Variants in ZC3HAV1 observed in about 807,000 individuals in gnomAD.
ZC3HAV1 encodes the protein zinc finger CCCH-type containing, antiviral 1.
A neutral mutation model predicts 86.6 loss-of-function variants in ZC3HAV1; 41 were observed. The ratio of observed to expected loss-of-function variants is 0.47; its 90% CI spans 0.37 to 0.61. ZC3HAV1 has a LOEUF of 0.61. Ranked by LOEUF, ZC3HAV1 falls within the 20% of genes least tolerant of loss-of-function variation. The probability of loss-of-function intolerance (pLI) is 0.00; values close to 1 mark genes in which losing one functional copy is unlikely to be tolerated. For missense variants in ZC3HAV1, 964 were observed against 1,141.1 expected (o/e 0.84, Z 2.24); for synonymous variants, 421 against 432.1 (o/e 0.97, Z 0.32).
Position 139,084,237 on chromosome 7 carries a change from C to T in ZC3HAV1, c.445-205G>A, listed in dbSNP as rs881669. 0.062 allele frequency among the ~76,000 whole-genome samples: 9,388 copies of T among 152,188 alleles called. 320 individuals are homozygous for T. The highest frequency in any genetic ancestry group is 0.079 in the African/African-American group (3,275 of 41,516). On this transcript the variant is annotated intron_variant, in intron 2 of 12. Transcript: ENST00000242351. ...GGGCAGAAGAGGTCCACAGACTAAC[C>T]AAAAGATACTGATCAATTTGATAAC... is the stretch of plus-strand genomic sequence containing the variant.
chr7:139,063,027 C>CAAAAAAAAAAAAAAAAAAAAAAAGAAA (rs1816491329), intron 8 of ZC3HAV1, among the ~76,000 whole-genome samples: 1 of 68,102 alleles, frequency 1.5e-5, no homozygotes, highest in African/African-American at 5.4e-5. Flanking sequence ...GACTCTGTCT[C>CAAAAAAAAAAAAAAAAAAAAAAAGAAA]AAAAAAAAAA....
intron 5 of ZC3HAV1, among the ~76,000 whole-genome samples, chr7:139,078,350 T>C (rs565155940): frequency 2.6e-5 from 4 of 152,150 alleles, no homozygotes; most frequent in Non-Finnish European, 5.9e-5. Flanking sequence ...AAAAATGGTA[T>C]AGCCACTATG....
At chr7:139,066,575 T>C (rs887824008) in intron 7 of ZC3HAV1, among the ~76,000 whole-genome samples, 4 of 152,218 alleles carry the variant, frequency 2.6e-5, no homozygotes, top group Non-Finnish European at 5.9e-5. Flanking sequence ...AGTCATATCA[T>C]GAAGATGCTT....
intron 7 of ZC3HAV1, among the ~76,000 whole-genome samples, chr7:139,066,602 G>GGATA (rs1322416144): frequency 1.2e-4 from 18 of 152,166 alleles, no homozygotes; most frequent in Non-Finnish European, 2.1e-4. Context: ...ACAGCTTTGT[G>GGATA]GATAGTATCT....
chr7:139,105,969 T>A (rs143831201), intron 1 of ZC3HAV1, among the ~76,000 whole-genome samples: 1 of 152,256 alleles, frequency 6.6e-6, no homozygotes, highest in African/African-American at 2.4e-5. Context: ...ATTAATAGAT[T>A]AAAAGTTTGT....
At chr7:139,071,165 C>T (rs1281164452) in intron 7 of ZC3HAV1, among the ~76,000 whole-genome samples, 4 of 148,558 alleles carry the variant, frequency 2.7e-5, no homozygotes, top group East Asian at 4.0e-4. Context: ...GGCACAGTCT[C>T]GGGTCACTGC....
intron 9 of ZC3HAV1, 180 bp downstream of exon 9, chr7:139,060,856 T>C (rs1199536602): frequency 1.3e-6 from 2 of 1,516,972 alleles, no homozygotes; most frequent in Non-Finnish European, 1.8e-6. Flanking sequence ...TAGTATCCTT[T>C]CAGTCACACC....
chr7:139,095,256 ACTCCCC>A (rs1817551334), intron 1 of ZC3HAV1, among the ~76,000 whole-genome samples: 1 of 151,986 alleles, frequency 6.6e-6, no homozygotes, highest in South Asian at 2.1e-4. Context: ...CGAGGCTCCT[ACTCCCC>A]ATATTTGTAC....
chr7:139,071,502 A>C lies in ZC3HAV1; in HGVS notation c.1872+2354T>G, dbSNP rs74824551. 3.8e-3 allele frequency among the ~76,000 whole-genome samples: 583 copies of C among 152,320 alleles called. 8 individuals are homozygous for C. The highest frequency in any genetic ancestry group is 0.027 in the Admixed American group (409 of 15,292). On this transcript the variant is annotated intron_variant, in intron 7 of 12. Transcript: ENST00000242351. ...CAATTATTTGACATAAAAACCATCA[A>C]GACCTATAGCTTATTTTTATTTTAA...
At chr7:139,071,112 T>G (rs1193298339) in intron 7 of ZC3HAV1, among the ~76,000 whole-genome samples, 5 of 151,560 alleles carry the variant, frequency 3.3e-5, no homozygotes, top group Non-Finnish European at 7.4e-5. Context: ...CCTTTTTTTT[T>G]TTTTTTTGGA....
intron 6 of ZC3HAV1, among the ~76,000 whole-genome samples, chr7:139,074,587 AT>A (rs1816878924): frequency 6.6e-6 from 1 of 151,942 alleles, no homozygotes; most frequent in African/African-American, 2.4e-5. Flanking sequence ...CCAGACATTA[AT>A]TTGCAAAAAT....
intron 7 of ZC3HAV1, among the ~76,000 whole-genome samples, chr7:139,065,918 A>G (rs1349690267): frequency 6.6e-6 from 1 of 152,124 alleles, no homozygotes; most frequent in Non-Finnish European, 1.5e-5. Context: ...AGAAAAGGAA[A>G]GAAGGGATAA....
intron 12 of ZC3HAV1, among the ~76,000 whole-genome samples, chr7:139,051,529 G>C (rs577981635): frequency 9.9e-5 from 15 of 150,806 alleles, no homozygotes; most frequent in African/African-American, 3.7e-4. Context: ...ACCTCACCCT[G>C]CTGAGTAGAT....
intron 2 of ZC3HAV1, among the ~76,000 whole-genome samples, chr7:139,086,302 A>C (rs1282471487): frequency 6.6e-6 from 1 of 152,212 alleles, no homozygotes; most frequent in African/African-American, 2.4e-5. Flanking sequence ...TTCAGGAAAT[A>C]ATGCAGTCCC....
intron 12 of ZC3HAV1, among the ~76,000 whole-genome samples, chr7:139,052,765 T>TACA (rs10633831): frequency 0.61 from 90,773 of 149,808 alleles, 27,525 homozygotes; most frequent in East Asian, 0.7. Flanking sequence ...CTATAAAAAA[T>TACA]ACAACAAAAA....
intron 8 of ZC3HAV1, among the ~76,000 whole-genome samples, chr7:139,062,563 T>C (rs1318442943): frequency 6.6e-6 from 1 of 152,220 alleles, no homozygotes; most frequent in Admixed American, 6.5e-5. Flanking sequence ...TACCACTTTC[T>C]GAAATGGCCT....
At chr7:139,082,538 A>G (rs1817155497) in intron 3 of ZC3HAV1, among the ~76,000 whole-genome samples, 2 of 152,142 alleles carry the variant, frequency 1.3e-5, no homozygotes, top group Admixed American at 1.3e-4. Context: ...TCAAAGTGGT[A>G]TCTGTACACC....
At chr7:139,062,579 G>A (rs1344000069) in intron 8 of ZC3HAV1, among the ~76,000 whole-genome samples, 1 of 152,178 alleles carries the variant, frequency 6.6e-6, no homozygotes, top group Non-Finnish European at 1.5e-5. Context: ...GGCCTGACTT[G>A]TTTACTTGAC....
rs765687808 is a variant in ZC3HAV1 at position 139,043,861 on chromosome 7, G to C, written c.*3733C>G. On this transcript the variant is annotated 3_prime_UTR_variant, in exon 13 of 13. Transcript: ENST00000242351. ...TTCTGTAGAAGGACTCCTTAGGAAA[G>C]TAACAGTTGAGCCAATCTAAGGATG... is the stretch of plus-strand genomic sequence containing the variant. 6.6e-6 allele frequency: 1 copy of C among 152,198 alleles called. No homozygotes were observed. The highest frequency in any genetic ancestry group is 1.5e-5 in the Non-Finnish European group (1 of 68,040). 9.4% of individuals were successfully genotyped at this position (152,198 alleles called of 1,614,324 possible).
Sources: gnomAD v4.1 joint callset for allele counts (sites outside exome capture counted in the v4.1 genomes callset) on GRCh38, gnomAD v4.1.1 for gene constraint, MANE v1.5 for transcripts, NCBI Gene and HGNC (gene_info 2026-07-23, HGNC 2026-07-21) for gene names.